The following VIT variants were observed in gnomAD, a reference collection of about 807,000 sequenced individuals.
VIT encodes the protein vitrin.
VIT carries 99 observed loss-of-function variants against 78.0 expected under a neutral mutation model. The ratio of observed to expected loss-of-function variants is 1.27; its 90% CI spans 1.08 to 1.50. The LOEUF is 1.50. VIT is among the 40% of genes most tolerant of loss of function. The probability of loss-of-function intolerance (pLI) is 0.00; values close to 1 mark genes in which losing one functional copy is unlikely to be tolerated. For missense variants in VIT, 1,126 were observed against 875.3 expected (o/e 1.29, Z -3.61); for synonymous variants, 374 against 334.3 (o/e 1.12, Z -1.29).
At chr2:36,754,868 A>G (rs763235730) in intron 4 of VIT, 53 bp from the exon 5 acceptor site, 320 of 1,579,044 alleles carry the variant, frequency 2.0e-4, no homozygotes, top group Middle Eastern at 1.6e-3. Flanking sequence ...CCTGTTGATC[A>G]CGTCAAAAAA....
chr2:36,792,028 A>G (rs1665538756), intron 12 of VIT, among the ~76,000 whole-genome samples: 1 of 152,116 alleles, frequency 6.6e-6, no homozygotes, highest in Non-Finnish European at 1.5e-5. Flanking sequence ...CTCAGACTTC[A>G]GAGCAGGAAG....
chr2:36,765,371 T>C (rs2148580302), intron 6 of VIT, among the ~76,000 whole-genome samples: 1 of 145,988 alleles, frequency 6.8e-6, no homozygotes, highest in Admixed American at 7.0e-5. Flanking sequence ...AAACATACAA[T>C]CATGGCAGAA....
chr2:36,810,733 A>C (rs1179751354), intron 15 of VIT, among the ~76,000 whole-genome samples: 1 of 151,632 alleles, frequency 6.6e-6, no homozygotes, highest in Non-Finnish European at 1.5e-5. Flanking sequence ...TCCCGGATTC[A>C]AGCGATTCTT....
Position 36,811,446 on chromosome 2 carries a change from A to G in VIT, c.1903+2461A>G, listed in dbSNP as rs1296369447. On this transcript the variant is annotated intron_variant, in intron 15 of 15. Transcript: ENST00000379242. ...GAAATGGCTGAGGTGCTGTCAGCGCAGCCTTAATGAACTAGGACCAAAATA... is the reference window on the plus strand; with the variant it reads ...GAAATGGCTGAGGTGCTGTCAGCGCGGCCTTAATGAACTAGGACCAAAATA... 2.0e-5 allele frequency among the ~76,000 whole-genome samples: 3 copies of G among 152,216 alleles called. No individual in the cohort carries two copies. The East Asian group carries it at 5.8e-4, about 29-fold the overall frequency.
rs1170016953 is a variant in VIT, at chr2:36,716,368, T to C, written c.-3T>C. 1.2e-5 allele frequency: 20 copies of C among 1,613,774 alleles called. No homozygotes were observed. The highest frequency in any genetic ancestry group is 1.6e-5 in the Non-Finnish European group (19 of 1,179,762). Reference sequence around the variant, plus strand: ...TTCTCTCCAGGGTGTCATTCTGATATTTATGAGGACTGTTGTTCTCACTAT... The same window carrying C: ...TTCTCTCCAGGGTGTCATTCTGATACTTATGAGGACTGTTGTTCTCACTAT... On this transcript the variant is annotated 5_prime_UTR_variant, in exon 2 of 16. Coordinates refer to ENST00000379242, the MANE Select transcript of VIT (RefSeq NM_053276.4).
In VIT at chr2:36,808,504, C is replaced by T. The variant is rs868511515; in HGVS notation, c.1422C>T (p.Leu474=). 6.2e-7 allele frequency: 1 copy of T among 1,612,298 alleles called. No individual in the cohort carries two copies. Among genetic ancestry groups the T allele is most frequent in the African/African-American group, 1.3e-5 (1 of 75,022 alleles). ...GCAGAACAAACGGCTTCTACTCGCT[C>T]CACGTGCAGAGCTGGTTTGGCCTCC... ...AVCRTNGFYS[L]HVQSWFGLHK... Residue 474 remains leucine, a synonymous_variant, in exon 15 of 16, where the codon CTC becomes CTT. Coordinates refer to ENST00000379242, the MANE Select transcript of VIT (RefSeq NM_053276.4).
At chr2:36,767,071 G>A in intron 6 of VIT, 23 bp from the exon 7 acceptor site, 1 of 1,549,806 alleles carries the variant, frequency 6.5e-7, no homozygotes, top group Non-Finnish European at 8.7e-7. Flanking sequence ...TGTGGGCCTT[G>A]GTATAATTCC....
intron 2 of VIT, among the ~76,000 whole-genome samples, chr2:36,716,999 C>T (rs1216374662): frequency 1.3e-5 from 2 of 150,052 alleles, no homozygotes; most frequent in African/African-American, 4.9e-5. Flanking sequence ...ACCTCAGCCT[C>T]CCAAGTAGCT....
intron 3 of VIT, among the ~76,000 whole-genome samples, chr2:36,739,585 T>C (rs56029564): frequency 0.23 from 34,949 of 152,022 alleles, 4,935 homozygotes; most frequent in East Asian, 0.53. Context: ...TACAGTTCGA[T>C]CTGGTTTGCA....
chr2:36,798,860 G>A (rs370288884), intron 12 of VIT, among the ~76,000 whole-genome samples: 2 of 152,190 alleles, frequency 1.3e-5, no homozygotes, highest in East Asian at 3.8e-4. Flanking sequence ...TCCACTGTGT[G>A]ACTCCTCCTC....
intron 7 of VIT, among the ~76,000 whole-genome samples, chr2:36,771,672 A>G (rs1375596324): frequency 1.3e-5 from 2 of 152,210 alleles, no homozygotes; most frequent in Admixed American, 1.3e-4. Context: ...GAGAGTGTGG[A>G]GAAATGACCC....
At chr2:36,724,301 G>A (rs563072796) in intron 2 of VIT, among the ~76,000 whole-genome samples, 102 of 152,230 alleles carry the variant, frequency 6.7e-4, no homozygotes, top group African/African-American at 2.3e-3. Context: ...TGGAATTTGG[G>A]GTTCCAGACT....
intron 1 of VIT, among the ~76,000 whole-genome samples, chr2:36,708,332 T>C (rs72783124): frequency 0.017 from 2,602 of 152,298 alleles, 36 homozygotes; most frequent in Middle Eastern, 0.027. Flanking sequence ...TCCAGATGGA[T>C]ACTGGCTCTT....
At chr2:36,755,609 T>C (rs2270321) in intron 5 of VIT, among the ~76,000 whole-genome samples, 61,717 of 152,058 alleles carry the variant, frequency 0.41, 12,764 homozygotes, top group South Asian at 0.51. Flanking sequence ...TTTAACATGC[T>C]CGAGTAGCTT....
intron 3 of VIT, among the ~76,000 whole-genome samples, chr2:36,742,412 G>A (rs997917212): frequency 1.3e-5 from 2 of 152,106 alleles, no homozygotes; most frequent in African/African-American, 4.8e-5. Context: ...TTTCCATCAA[G>A]CGTTCAGGCA....
At chr2:36,774,796 C>G (rs1441205135) in intron 8 of VIT, 1 of 985,376 alleles carries the variant, frequency 1.0e-6, no homozygotes, top group African/African-American at 1.7e-5. Flanking sequence ...TACAGGAGCC[C>G]AATCCATGGA....
intron 1 of VIT, among the ~76,000 whole-genome samples, chr2:36,708,604 C>G (rs1665601530): frequency 6.6e-6 from 1 of 152,150 alleles, no homozygotes; most frequent in Admixed American, 6.5e-5. Flanking sequence ...GCCCTTCATC[C>G]CTCTCTGACA....
rs75430533 is a variant in VIT at position 36,711,516 on chromosome 2, C to T, written c.-18-4837C>T. Among the ~76,000 whole-genome samples the T allele has an allele frequency of 3.5e-3, 528 of 152,246 alleles. 5 individuals are homozygous for T. Among genetic ancestry groups the T allele is most frequent in the African/African-American group, 0.012 (508 of 41,540 alleles). ...ATGTGACCTTGAATAAGTCACTTAC[C>T]CACTGCAGACCTCAGTTCCCTTATC... On this transcript the variant is annotated intron_variant, in intron 1 of 15. Transcript: ENST00000379242.
rs570003672 is a variant in VIT at position 36,727,454 on chromosome 2, C to T, written c.53-1972C>T. On this transcript the variant is annotated intron_variant, in intron 2 of 15. Transcript: ENST00000379242. ...ACAGGAAGGGCCAGGGTGCTCATCC[C>T]ACCTCCATCATTAATTCATGGGATG... is the stretch of plus-strand genomic sequence containing the variant. Among the ~76,000 whole-genome samples the T allele has an allele frequency of 1.0e-3, 159 of 152,328 alleles. 3 individuals are homozygous for T. Among genetic ancestry groups the T allele is most frequent in the Non-Finnish European group, 1.0e-4 (7 of 68,026 alleles).
Sources: allele counts gnomAD v4.1 joint callset (sites outside exome capture counted in the v4.1 genomes callset), GRCh38; gene constraint gnomAD v4.1.1; transcripts MANE v1.5; gene names NCBI Gene and HGNC (gene_info 2026-07-23, HGNC 2026-07-21).